NPHS2: variants seen among roughly 807,000 people sequenced by gnomAD.
NPHS2 encodes the protein podocin.
NPHS2 carries 36 observed loss-of-function variants against 37.1 expected under a neutral mutation model. That is an observed-to-expected ratio of 0.97 (90% CI 0.74 to 1.28). The LOEUF is 1.28. Among genes scored for constraint, NPHS2 ranks in the 50% most tolerant of loss-of-function variants. The pLI is 0.00. For missense variants in NPHS2, 447 were observed against 488.1 expected, an observed-to-expected ratio of 0.92 and a Z score of 0.79; for synonymous variants, 196 against 189.3, an observed-to-expected ratio of 1.04 and a Z score of -0.29.
Position 179,575,818 on chromosome 1 carries a change from C to T in NPHS2, c.47G>A (p.Gly16Asp). Residue 16 changes from glycine to aspartate, a missense_variant, in exon 1 of 8, where the codon GGC becomes GAC. Coordinates refer to ENST00000367615, the MANE Select transcript of NPHS2 (RefSeq NM_014625.4). ...GTTCTCCTTGTGCGGAGTCCTGCCG[C>T]CTCGCCCGCGGGACTCCCTGGAGGA... ...RSSSRESRGR[G>D]GRTPHKENKR... 1 of 1,460,600 alleles carries T rather than the reference C, an allele frequency of 6.8e-7. No individual in the cohort carries two copies. The highest frequency in any genetic ancestry group is 9.0e-7 in the Non-Finnish European group (1 of 1,116,476). The allele number at this position is 1,460,600 out of a possible 1,614,324, so 90.5% of individuals were successfully genotyped here.
intron 7 of NPHS2, chr1:179,552,383 G>A (rs1673416481): frequency 3.3e-6 from 2 of 602,366 alleles, no homozygotes; most frequent in Non-Finnish European, 6.0e-6. Context: ...CTCAAGCAGT[G>A]AGTGGTCACT....
At chr1:179,569,564 G>C (rs1303338337) in intron 1 of NPHS2, among the ~76,000 whole-genome samples, 2 of 152,168 alleles carry the variant, frequency 1.3e-5, no homozygotes, top group African/African-American at 2.4e-5. Context: ...ATTGTTATAT[G>C]TGAATTTGAT....
chr1:179,569,923 A>C (rs1035192887), intron 1 of NPHS2, among the ~76,000 whole-genome samples: 14 of 152,168 alleles, frequency 9.2e-5, no homozygotes, highest in African/African-American at 3.4e-4. Flanking sequence ...CTGTTAGTCT[A>C]ATGGGCTTCC....
At position 179,554,482 on chromosome 1, in the gene NPHS2, A is replaced by G. The variant is rs1406733643; in HGVS notation, c.788T>C (p.Ile263Thr). ...TAGTTAATTTCCTACCCACATTTCTATTCTCTCCACTTTGATTCCCCAAAT... is the reference window on the plus strand; with the variant it reads ...TAGTTAATTTCCTACCCACATTTCTGTTCTCTCCACTTTGATTCCCCAAAT... ...TCIWGIKVER[I>T]EIKDVRLPAG... Residue 263 changes from isoleucine to threonine, a missense_variant, in exon 6 of 8, where the codon ATA (isoleucine) becomes ACA (threonine). Ile to Thr is a moderately conservative substitution (Grantham distance 89). Coordinates refer to ENST00000367615, the MANE Select transcript of NPHS2 (RefSeq NM_014625.4). 9.3e-6 allele frequency: 15 copies of G among 1,614,006 alleles called. No homozygotes were observed. The highest frequency in any genetic ancestry group is 1.7e-5 in the Admixed American group (1 of 60,002).
chr1:179,553,083 GAA>G (rs1358599878), intron 6 of NPHS2, among the ~76,000 whole-genome samples: 2 of 152,182 alleles, frequency 1.3e-5, no homozygotes, highest in Non-Finnish European at 2.9e-5. Context: ...AATTGATTTT[GAA>G]AAGGGTACAA....
At chr1:179,559,188 C>A (rs985382780) in intron 4 of NPHS2, among the ~76,000 whole-genome samples, 2 of 152,144 alleles carry the variant, frequency 1.3e-5, no homozygotes, top group Admixed American at 6.5e-5. Flanking sequence ...TTTTCTTGAG[C>A]CCTTCAATTA....
intron 4 of NPHS2, among the ~76,000 whole-genome samples, chr1:179,559,360 TA>T (rs1054680626): frequency 8.5e-5 from 13 of 152,226 alleles, no homozygotes; most frequent in Non-Finnish European, 8.8e-5. Flanking sequence ...GGCTGACACA[TA>T]AGGTTAACTA....
chr1:179,570,418 T>TG (rs549192124), intron 1 of NPHS2, among the ~76,000 whole-genome samples: 1,928 of 152,354 alleles, frequency 0.013, 43 homozygotes, highest in African/African-American at 0.045. Context: ...AACAAAGGGA[T>TG]GGCCGAATGA....
At chr1:179,552,455 T>C in intron 7 of NPHS2, 148 bp downstream of exon 7, 1 of 702,776 alleles carries the variant, frequency 1.4e-6, no homozygotes, top group Non-Finnish European at 2.6e-6. Context: ...TAACACACTT[T>C]AAGAGAGCAA....
intron 4 of NPHS2, 144 bp from the exon 5 acceptor site, chr1:179,557,374 T>C (rs1044019476): frequency 3.5e-5 from 24 of 684,576 alleles, no homozygotes; most frequent in Non-Finnish European, 5.7e-5. Context: ...AATAGACATG[T>C]TTTTGAAAAT....
chr1:179,560,798 A>G (rs1674108297), intron 3 of NPHS2, among the ~76,000 whole-genome samples: 1 of 152,214 alleles, frequency 6.6e-6, no homozygotes, highest in African/African-American at 2.4e-5. Flanking sequence ...CTGAGATCAG[A>G]GACCATGTCT....
chr1:179,559,880 A>G (rs1674072786), intron 3 of NPHS2, 119 bp from the exon 4 acceptor site: 1 of 651,540 alleles, frequency 1.5e-6, no homozygotes, highest in Non-Finnish European at 2.9e-6. Context: ...ATTACAGACC[A>G]TTGGCCCATC....
chr1:179,552,780 T>A, intron 6 of NPHS2, 99 bp from the exon 7 acceptor site: 1 of 907,780 alleles, frequency 1.1e-6, no homozygotes, highest in East Asian at 2.5e-5. Context: ...TGTCTCATGA[T>A]GAGTAGCAAA....
At chr1:179,561,252 G>T in intron 3 of NPHS2, 37 bp downstream of exon 3, 2 of 1,471,578 alleles carry the variant, frequency 1.4e-6, no homozygotes, top group Non-Finnish European at 1.9e-6. Flanking sequence ...GGCAAGTCAG[G>T]AGAGAGGTGT....
chr1:179,553,449 C>T (rs1053918213), intron 6 of NPHS2, among the ~76,000 whole-genome samples: 7 of 152,216 alleles, frequency 4.6e-5, no homozygotes, highest in Non-Finnish European at 1.0e-4. Flanking sequence ...CTGATTCATG[C>T]TCAAGCATGG....
chr1:179,566,562 A>C (rs1674341865), intron 1 of NPHS2, among the ~76,000 whole-genome samples: 2 of 152,104 alleles, frequency 1.3e-5, no homozygotes, highest in Admixed American at 1.3e-4. Context: ...GAAGCTCTTT[A>C]GTTTAATTAG....
chr1:179,555,649 C>A (rs1271153198), intron 5 of NPHS2, among the ~76,000 whole-genome samples: 8 of 152,132 alleles, frequency 5.3e-5, no homozygotes, highest in African/African-American at 2.4e-5. Flanking sequence ...CAAATAAAAT[C>A]TTGCCTGTGG....
chr1:179,564,633 G>T, intron 2 of NPHS2, 57 bp downstream of exon 2: 1 of 1,349,204 alleles, frequency 7.4e-7, no homozygotes, highest in Non-Finnish European at 1.1e-6. Context: ...GAATGGGCAT[G>T]GTGTGGCCAG....
chr1:179,556,371 C>T lies in NPHS2; in HGVS notation c.738+656G>A, dbSNP rs1673928297. On this transcript the variant is annotated intron_variant, in intron 5 of 7. Transcript: ENST00000367615. The surrounding 1 kb of genome is among the most constrained non-coding windows in gnomAD (Gnocchi z 4.1). The stretch of plus-strand genomic sequence containing the variant: ...GCTGCCTGGAATCCTGCTGTCTTCT[C>T]ACTTCTCCTCTGAATACCTGTTGCC... Among the ~76,000 whole-genome samples, 1 of 152,218 alleles carries T rather than the reference C, an allele frequency of 6.6e-6. No homozygotes were observed. The highest frequency in any genetic ancestry group is 2.1e-4 in the South Asian group (1 of 4,830).
Sources: gnomAD v4.1 joint callset for allele counts (sites outside exome capture counted in the v4.1 genomes callset) on GRCh38, gnomAD v4.1.1 for gene constraint, Gnocchi (gnomAD v3.1) non-coding constraint, MANE v1.5 for transcripts, NCBI Gene and HGNC (gene_info 2026-07-23, HGNC 2026-07-21) for gene names.